Variants in SFSWAP observed in about 807,000 individuals in gnomAD.
SFSWAP encodes splicing factor, suppressor of white-apricot homolog.
Under a neutral mutation model 100.7 loss-of-function variants are expected in SFSWAP, and 17 were observed. The ratio of observed to expected loss-of-function variants is 0.17; its 90% CI spans 0.12 to 0.25. The LOEUF (loss-of-function observed/expected upper bound fraction) is 0.25, where lower values mean the gene tolerates loss of function less well. Ranked by LOEUF, SFSWAP falls within the 10% of genes least tolerant of loss-of-function variation. SFSWAP has a pLI of 1.00. For synonymous variants in SFSWAP, 504 were observed against 510.1 expected, an observed-to-expected ratio of 0.99 and a Z score of 0.16; for missense variants, 1,005 against 1,262.6, an observed-to-expected ratio of 0.80 and a Z score of 3.09.
chr12:131,797,540 T>A (rs1379120273), intron 16 of SFSWAP, among the ~76,000 whole-genome samples, 180 bp downstream of exon 16: 1 of 152,238 alleles, frequency 6.6e-6, no homozygotes, highest in African/African-American at 2.4e-5. Context: ...CTTCTCACAA[T>A]CCATGAGCGC....
intron 4 of SFSWAP, among the ~76,000 whole-genome samples, chr12:131,722,079 T>A (rs1566004785): frequency 1.3e-5 from 2 of 152,236 alleles, no homozygotes; most frequent in Non-Finnish European, 2.9e-5. Context: ...GAATTGTGGT[T>A]AAGTAGACTA....
rs1175363043 is a variant in SFSWAP, at chr12:131,711,346, C to G, written c.117C>G (p.Gly39=). 6.2e-7 allele frequency: 1 copy of G among 1,613,994 alleles called. No individual in the cohort carries two copies. The highest frequency in any genetic ancestry group is 8.5e-7 in the Non-Finnish European group (1 of 1,180,022). ...GCCGAGTGGAGCTCTTGGTTTTCGG[C>G]TATGCCTGCAAGCTGTTCCGGGACG... is the stretch of plus-strand genomic sequence containing the variant. ...GGSRVELLVF[G]YACKLFRDDE... Residue 39 remains glycine, a synonymous_variant, in exon 1 of 18, where the codon GGC becomes GGG. Transcript: ENST00000261674. This position sits in a 1 kb window ranked among gnomAD's most constrained non-coding sequence, Gnocchi z 4.9.
intron 15 of SFSWAP, among the ~76,000 whole-genome samples, chr12:131,792,736 C>T (rs1885358667): frequency 6.6e-6 from 1 of 152,370 alleles, no homozygotes; most frequent in South Asian, 2.1e-4. Flanking sequence ...AAATACTTCA[C>T]AAAATATTAG....
At chr12:131,779,088 C>T (rs947836370) in intron 14 of SFSWAP, among the ~76,000 whole-genome samples, 4 of 149,356 alleles carry the variant, frequency 2.7e-5, no homozygotes, top group South Asian at 2.1e-4. Flanking sequence ...TCACCGGCAC[C>T]GCACTCTGCA....
chr12:131,758,273 G>A (rs1481294396), intron 11 of SFSWAP, among the ~76,000 whole-genome samples: 2 of 152,082 alleles, frequency 1.3e-5, no homozygotes, highest in African/African-American at 2.4e-5. Flanking sequence ...GCCAACCAGC[G>A]TGACCTTCTC....
intron 7 of SFSWAP, among the ~76,000 whole-genome samples, chr12:131,736,019 C>T (rs1183779246): frequency 6.6e-6 from 1 of 152,190 alleles, no homozygotes; most frequent in East Asian, 1.9e-4. Flanking sequence ...CGCCTTCTCC[C>T]CTGGTGTTTG....
intron 7 of SFSWAP, among the ~76,000 whole-genome samples, chr12:131,741,948 T>C (rs1286063796): frequency 6.6e-6 from 1 of 152,120 alleles, no homozygotes; most frequent in East Asian, 1.9e-4. Flanking sequence ...TCTTCCCTGG[T>C]GTGCAAGCCT....
At position 131,728,389 on chromosome 12, in the gene SFSWAP, G is replaced by A. The variant is rs1260814161; in HGVS notation, c.1042G>A (p.Ala348Thr). The A allele has an allele frequency of 3.1e-6, 5 of 1,614,112 alleles. No homozygotes were observed. In the Admixed American group the frequency reaches 6.7e-5, roughly 22 times the overall value. Residue 348 changes from alanine (A) to threonine (T), a missense_variant, in exon 7 of 18, where the codon GCG (alanine) becomes ACG (threonine). By Grantham distance (58) the Ala-to-Thr change is moderately conservative. Around this residue, in one of 7 missense-constraint regions of SFSWAP, gnomAD observed 311 missense variants for 317.8 expected, o/e 0.98. Coordinates refer to ENST00000261674, the MANE Select transcript of SFSWAP (RefSeq NM_004592.4). ...STPTPHNADG[A>T]PVQPSQVEYT... ...TCCCACCCCACACAACGCAGACGGT[G>A]CGCCTGTGCAGCCCTCCCAGGTGGA...
In SFSWAP at chr12:131,767,842, G is replaced by T. The variant is rs577203342; in HGVS notation, c.2142+1534G>T. 3.3e-5 allele frequency among the ~76,000 whole-genome samples: 5 copies of T among 152,120 alleles called. 1 individual carries two copies. The South Asian group carries it at 1.0e-3, about 32-fold the overall frequency. On this transcript the variant is annotated intron_variant, in intron 13 of 17. Coordinates refer to ENST00000261674, the MANE Select transcript of SFSWAP (RefSeq NM_004592.4). ...CTCGAGGGCTTCATTGAGGGTGGAG[G>T]GAGGGAGGGAGGAGGGTGAAGATCA...
intron 11 of SFSWAP, among the ~76,000 whole-genome samples, chr12:131,759,785 G>A (rs944457619): frequency 6.7e-6 from 1 of 150,374 alleles, no homozygotes; most frequent in African/African-American, 2.4e-5. Flanking sequence ...CTGGGTGACA[G>A]AGCGAGACTC....
Position 131,766,167 on chromosome 12 carries a change from G to T in SFSWAP, c.2001G>T (p.Leu667=), listed in dbSNP as rs1051233. The part of the protein sequence containing the change: ...DRLAAAAREK[L]AQASKESKEK... Reference sequence around the variant, plus strand: ...TCGCAGCTGCTGCCCGGGAAAAGCTGGCCCAGGCGTCTAAGGAGTCAAAAG... The same window carrying T: ...TCGCAGCTGCTGCCCGGGAAAAGCTTGCCCAGGCGTCTAAGGAGTCAAAAG... The change falls in exon 13 of 18, where the codon CTG becomes CTT. Residue 667 remains leucine, a synonymous_variant. Transcript: ENST00000261674. The T allele has an allele frequency of 3.7e-6, 6 of 1,613,708 alleles. No individual in the cohort carries two copies. The South Asian group carries it at 6.6e-5, about 18-fold the overall frequency.
intron 15 of SFSWAP, among the ~76,000 whole-genome samples, chr12:131,792,168 G>A (rs376953872): frequency 2.7e-5 from 4 of 149,988 alleles, no homozygotes; most frequent in South Asian, 2.1e-4. Context: ...GTGTGCACCC[G>A]TGTGTGTTCA....
At position 131,711,129 on chromosome 12, in the gene SFSWAP, A is replaced by G. The variant is rs7134849; in HGVS notation, c.-101A>G. On this transcript the variant is annotated 5_prime_UTR_variant, in exon 1 of 18. Coordinates refer to ENST00000261674, the MANE Select transcript of SFSWAP (RefSeq NM_004592.4). This position sits in a 1 kb window ranked among gnomAD's most constrained non-coding sequence, Gnocchi z 4.9. Reference sequence around the variant, plus strand: ...TATGGCGGCGGTGTTGAGGTTGGGTACGGGATGCGGGGTCTTTGACTGAAG... The same window carrying G: ...TATGGCGGCGGTGTTGAGGTTGGGTGCGGGATGCGGGGTCTTTGACTGAAG... The G allele has an allele frequency of 5.3e-6, 5 of 949,010 alleles. No homozygotes were observed. Among genetic ancestry groups the G allele is most frequent in the East Asian group, 2.7e-5 (1 of 37,220 alleles). The allele number at this position is 949,010 out of a possible 1,614,324, so 58.8% of individuals were successfully genotyped here. A position where few individuals can be genotyped will look rare whatever the true frequency, so the allele number is the denominator to read the frequency against.
intron 9 of SFSWAP, among the ~76,000 whole-genome samples, chr12:131,755,133 A>G (rs538869186): frequency 6.6e-5 from 10 of 152,320 alleles, no homozygotes; most frequent in African/African-American, 2.4e-4. Context: ...TTAAAAACCA[A>G]GCAATGTCCC....
chr12:131,793,470 T>C (rs1161872218), intron 15 of SFSWAP, among the ~76,000 whole-genome samples: 2 of 151,994 alleles, frequency 1.3e-5, no homozygotes, highest in Non-Finnish European at 2.9e-5. Flanking sequence ...CAAAATTTAA[T>C]TCAGGGCGGA....
Position 131,719,448 on chromosome 12 carries a change from A to G in SFSWAP, c.521-6A>G, listed in dbSNP as rs1425598484. 1 of 1,612,734 alleles carries G rather than the reference A, an allele frequency of 6.2e-7. No individual in the cohort carries two copies. The highest frequency in any genetic ancestry group is 1.7e-5 in the Admixed American group (1 of 59,998). On this transcript the variant is annotated splice_region_variant and splice_polypyrimidine_tract_variant and intron_variant, in intron 3 of 17. Coordinates refer to ENST00000261674, the MANE Select transcript of SFSWAP (RefSeq NM_004592.4). ...TTCTGAATTTTTTAATTTTCTTTTT[A>G]TGCAGAAAAAAATGAGGCCGAAAAT...
At chr12:131,737,342 A>C (rs1880131039) in intron 7 of SFSWAP, among the ~76,000 whole-genome samples, 1 of 152,180 alleles carries the variant, frequency 6.6e-6, no homozygotes, top group Non-Finnish European at 1.5e-5. Flanking sequence ...AGAGAGGGGA[A>C]CTGGAAGGAC....
intron 15 of SFSWAP, among the ~76,000 whole-genome samples, chr12:131,793,089 A>G (rs968164005): frequency 6.6e-6 from 1 of 151,870 alleles, no homozygotes; most frequent in African/African-American, 2.4e-5. Context: ...GAGAAAGGAA[A>G]GTCTTTTTTT....
At chr12:131,781,981 A>AG (rs1354052316) in intron 14 of SFSWAP, among the ~76,000 whole-genome samples, 1 of 152,324 alleles carries the variant, frequency 6.6e-6, no homozygotes, top group East Asian at 1.9e-4. Flanking sequence ...CACAGGGCCA[A>AG]GGGCATAGCT....
Sources: allele counts gnomAD v4.1 joint callset (sites outside exome capture counted in the v4.1 genomes callset), GRCh38; gene constraint gnomAD v4.1.1; regional missense constraint gnomAD v4.1.1; non-coding constraint Gnocchi (gnomAD v3.1); transcripts MANE v1.5; gene names NCBI Gene and HGNC (gene_info 2026-07-23, HGNC 2026-07-21).